The following PDGFC variants were observed in gnomAD, a reference collection of about 807,000 sequenced individuals.
PDGFC encodes platelet derived growth factor C.
PDGFC carries 12 observed loss-of-function variants against 35.5 expected under a neutral mutation model. The ratio of observed to expected loss-of-function variants is 0.34; its 90% CI spans 0.22 to 0.55. The LOEUF (loss-of-function observed/expected upper bound fraction) is 0.55, where lower values mean the gene tolerates loss of function less well. Ranked by LOEUF, PDGFC falls within the 20% of genes least tolerant of loss-of-function variation. The pLI is 0.91. For missense variants in PDGFC, 322 were observed against 412.4 expected (o/e 0.78, Z 1.90); for synonymous variants, 159 against 148.8 (o/e 1.07, Z -0.50).
At chr4:156,774,871 A>C (rs1387876224) in intron 3 of PDGFC, among the ~76,000 whole-genome samples, 1 of 152,114 alleles carries the variant, frequency 6.6e-6, no homozygotes, top group Non-Finnish European at 1.5e-5. Flanking sequence ...GGTTTATGAC[A>C]TGATGTTACA....
At chr4:156,840,417 T>C (rs1017216149) in intron 2 of PDGFC, among the ~76,000 whole-genome samples, 1 of 152,144 alleles carries the variant, frequency 6.6e-6, no homozygotes, top group Non-Finnish European at 1.5e-5. Context: ...AAAACAAGAA[T>C]TGAGGTTTGG....
intron 1 of PDGFC, among the ~76,000 whole-genome samples, chr4:156,869,417 C>T (rs1227330454): frequency 6.6e-6 from 1 of 151,662 alleles, no homozygotes; most frequent in African/African-American, 2.4e-5. Context: ...GCCTGGGTGA[C>T]AGAGCAAGAC....
chr4:156,923,601 T>C (rs756518950), intron 1 of PDGFC, among the ~76,000 whole-genome samples: 1 of 152,180 alleles, frequency 6.6e-6, no homozygotes, highest in Admixed American at 6.5e-5. Flanking sequence ...AAATGAAATA[T>C]GAAAGCAAAT....
intron 1 of PDGFC, among the ~76,000 whole-genome samples, chr4:156,857,126 T>C (rs1317461540): frequency 2.0e-5 from 3 of 151,910 alleles, no homozygotes; most frequent in Non-Finnish European, 2.9e-5. Flanking sequence ...GATTTAAAGT[T>C]CAAATGAAAT....
chr4:156,936,356 A>G (rs1473449270), intron 1 of PDGFC, among the ~76,000 whole-genome samples: 1 of 152,220 alleles, frequency 6.6e-6, no homozygotes, highest in African/African-American at 2.4e-5. Flanking sequence ...ACCACATTTC[A>G]GGTCTCTCTC....
chr4:156,835,731 T>G (rs890112260), intron 2 of PDGFC, among the ~76,000 whole-genome samples: 1 of 152,246 alleles, frequency 6.6e-6, no homozygotes, highest in Non-Finnish European at 1.5e-5. Context: ...GTGATAGAAC[T>G]GAACTGGAAA....
At chr4:156,910,644 T>C (rs1731016778) in intron 1 of PDGFC, among the ~76,000 whole-genome samples, 1 of 152,142 alleles carries the variant, frequency 6.6e-6, no homozygotes, top group South Asian at 2.1e-4. Context: ...GGCTGTAGCA[T>C]TTACATCCAC....
chr4:156,851,759 G>A (rs900198524), intron 1 of PDGFC, among the ~76,000 whole-genome samples: 3 of 151,590 alleles, frequency 2.0e-5, no homozygotes, highest in African/African-American at 4.8e-5. Context: ...GTGAAATCCC[G>A]TCTCTACTAA....
chr4:156,949,279 A>G (rs375594145), intron 1 of PDGFC, among the ~76,000 whole-genome samples: 2 of 151,948 alleles, frequency 1.3e-5, no homozygotes, highest in East Asian at 1.9e-4. Context: ...GAGAAGTTGA[A>G]AAGTATTTAT....
At chr4:156,815,998 C>T (rs1277644265) in intron 2 of PDGFC, among the ~76,000 whole-genome samples, 2 of 152,128 alleles carry the variant, frequency 1.3e-5, no homozygotes, top group Admixed American at 6.6e-5. Context: ...ACAAAATTTT[C>T]GTTCTCATGT....
At chr4:156,944,349 G>A (rs1383526253) in intron 1 of PDGFC, among the ~76,000 whole-genome samples, 1 of 151,882 alleles carries the variant, frequency 6.6e-6, no homozygotes, top group African/African-American at 2.4e-5. Flanking sequence ...ATCTTCCTCT[G>A]TAAATAAAAA....
intron 1 of PDGFC, among the ~76,000 whole-genome samples, chr4:156,884,467 T>G (rs2111178754): frequency 6.6e-6 from 1 of 152,330 alleles, no homozygotes; most frequent in East Asian, 1.9e-4. Context: ...AAGAAAACTC[T>G]GACTCACAGA....
intron 1 of PDGFC, among the ~76,000 whole-genome samples, chr4:156,929,755 T>C (rs1217579988): frequency 1.3e-5 from 2 of 152,236 alleles, no homozygotes; most frequent in Admixed American, 1.3e-4. Context: ...TGGCTATTTA[T>C]CCTTTAGTGA....
Position 156,810,011 on chromosome 4 carries a change from T to C in PDGFC, c.495+826A>G, listed in dbSNP as rs1384585457. ...GTATCCATGGCCCTCAACGCCACCC[T>C]AGCCTAAAAAATATTAAACTCACTA... On this transcript the variant is annotated intron_variant, in intron 3 of 5. Transcript: ENST00000502773. 2.6e-5 allele frequency among the ~76,000 whole-genome samples: 4 copies of C among 151,840 alleles called. No individual in the cohort carries two copies. In the East Asian group the frequency reaches 7.7e-4, roughly 29 times the overall value.
chr4:156,792,515 T>C (rs1201854508), intron 3 of PDGFC, among the ~76,000 whole-genome samples: 1 of 152,192 alleles, frequency 6.6e-6, no homozygotes, highest in Non-Finnish European at 1.5e-5. Flanking sequence ...GATAAATATT[T>C]TGAAACTCCA....
intron 5 of PDGFC, among the ~76,000 whole-genome samples, chr4:156,765,464 C>CCATT (rs1311887109): frequency 6.6e-6 from 1 of 152,094 alleles, no homozygotes; most frequent in Non-Finnish European, 1.5e-5. Context: ...TGCTCATGGA[C>CCATT]CATTGCTCAA....
At chr4:156,770,451 C>T (rs1730664176) in intron 4 of PDGFC, 2 of 151,926 alleles carry the variant, frequency 1.3e-5, no homozygotes. Context: ...ATATGTCATA[C>T]ATTCTTGAAA....
chr4:156,967,788 T>C (rs1732500053), intron 1 of PDGFC: 1 of 152,184 alleles, frequency 6.6e-6, no homozygotes, highest in East Asian at 1.9e-4. Flanking sequence ...TTCACCATGG[T>C]CATACAACAA....
intron 1 of PDGFC, among the ~76,000 whole-genome samples, chr4:156,873,521 T>C (rs1438887192): frequency 6.6e-6 from 1 of 152,198 alleles, no homozygotes; most frequent in African/African-American, 2.4e-5. Context: ...TATACATAAA[T>C]CGCATTTTGT....
Sources: gnomAD v4.1 joint callset for allele counts (sites outside exome capture counted in the v4.1 genomes callset) on GRCh38, gnomAD v4.1.1 for gene constraint, MANE v1.5 for transcripts, NCBI Gene and HGNC (gene_info 2026-07-23, HGNC 2026-07-21) for gene names.